Variants in PDIA4 observed in about 807,000 individuals in gnomAD.
The protein encoded by PDIA4 is protein disulfide-isomerase A4.
A neutral mutation model predicts 62.1 loss-of-function variants in PDIA4; 33 were observed. The observed-to-expected ratio is 0.53, with a 90% confidence interval of 0.40 to 0.71. PDIA4 has a LOEUF of 0.71. PDIA4 is among the 30% of genes least tolerant of loss of function. The pLI is 0.00. For missense variants in PDIA4, 804 were observed against 813.6 expected, an observed-to-expected ratio of 0.99 and a Z score of 0.14; for synonymous variants, 341 against 324.1, an observed-to-expected ratio of 1.05 and a Z score of -0.56.
intron 3 of PDIA4, among the ~76,000 whole-genome samples, chr7:149,018,547 T>C (rs1824225337): frequency 6.6e-6 from 1 of 152,144 alleles, no homozygotes; most frequent in Non-Finnish European, 1.5e-5. Context: ...TTATCCTGCC[T>C]CAGCCTCCCA....
chr7:149,010,400 G>T (rs1457443737), intron 6 of PDIA4, among the ~76,000 whole-genome samples: 2 of 152,104 alleles, frequency 1.3e-5, no homozygotes, highest in East Asian at 3.9e-4. Flanking sequence ...GGCTGAGGTG[G>T]AAAAATCACC....
rs767540739 is a variant in PDIA4 at position 149,003,985 on chromosome 7, T to C, written c.1747A>G (p.Met583Val). Residue 583 changes from methionine (M) to valine (V), a missense_variant, in exon 10 of 10, where the codon ATG (methionine) becomes GTG (valine). Physicochemically the swap from Met to Val is conservative, Grantham distance 21. Transcript: ENST00000652332. ...GGGACGTCGTTGGCAGTGGCGTCCA[T>C]CTTGGCGATGACCAGGCCCTTTTGG... ...KGQKGLVIAK[M>V]DATANDVPSD... is the part of the protein sequence containing the mutation. 1.2e-6 allele frequency: 2 copies of C among 1,613,630 alleles called. No individual in the cohort carries two copies. Among genetic ancestry groups the C allele is most frequent in the African/African-American group, 1.3e-5 (1 of 74,932 alleles).
rs374392928 is a variant in PDIA4 at position 149,015,521 on chromosome 7, T to C, written c.476-479A>G. ...AAAAAAAAAAAAAAAAGGAAAAATT[T>C]AAAAGAGGAGCAGTAGCTCCCATTG... is the stretch of plus-strand genomic sequence containing the variant. On this transcript the variant is annotated intron_variant, in intron 3 of 9. Coordinates refer to ENST00000652332, the MANE Select transcript of PDIA4 (RefSeq NM_004911.5). Among the ~76,000 whole-genome samples the C allele has an allele frequency of 5.1e-3, 760 of 148,204 alleles. 8 individuals are homozygous for C. Among genetic ancestry groups the C allele is most frequent in the African/African-American group, 0.018 (732 of 40,588 alleles).
rs61739276 is a variant in PDIA4 at position 149,003,913 on chromosome 7, G to T, written c.1819C>A (p.Pro607Thr). 3.5e-4 allele frequency: 571 copies of T among 1,613,568 alleles called. 4 individuals carry two copies. The African/African-American group carries it at 6.3e-3, about 18-fold the overall frequency. The change falls in exon 10 of 10, where the codon CCC becomes ACC. Residue 607 changes from proline (P) to threonine (T), a missense_variant. Transcript: ENST00000652332. ...ACTGGGTTCTTTTTGTCCCCACTGGGGGCGAAGTAGATGGTGGGGAAGCCC... is the reference window on the plus strand; with the variant it reads ...ACTGGGTTCTTTTTGTCCCCACTGGTGGCGAAGTAGATGGTGGGGAAGCCC... ...VEGFPTIYFA[P>T]SGDKKNPVKF... is the part of the protein sequence containing the mutation.
intron 7 of PDIA4, 92 bp from the exon 8 acceptor site, chr7:149,006,145 C>T: frequency 1.5e-6 from 2 of 1,359,520 alleles, no homozygotes; most frequent in South Asian, 1.5e-5. Flanking sequence ...GGAGTGGCGA[C>T]TTTGAAGGGG....
chr7:149,004,697 A>G (rs1823678701), intron 9 of PDIA4, among the ~76,000 whole-genome samples: 1 of 152,234 alleles, frequency 6.6e-6, no homozygotes, highest in Admixed American at 6.5e-5. Flanking sequence ...TGAAGCCACA[A>G]GGGGTGTTCA....
chr7:149,021,361 C>T (rs554203411), intron 1 of PDIA4, among the ~76,000 whole-genome samples: 28 of 151,932 alleles, frequency 1.8e-4, no homozygotes, highest in African/African-American at 5.1e-4. Context: ...TGGTGGCACG[C>T]GCCTGTAGTC....
chr7:149,005,325 A>C lies in PDIA4; in HGVS notation c.1338T>G (p.Pro446=), dbSNP rs760330554. Residue 446 remains proline (P), a synonymous_variant, in exon 9 of 10, where the codon CCT becomes CCG. Transcript: ENST00000652332. Reference sequence around the variant, plus strand: ...CGTCCGCAATGGCAAAGGTGTACTCAGGGAAGTCCTTGGCCACCTCTAGGA... The same window carrying C: ...CGTCCGCAATGGCAAAGGTGTACTCCGGGAAGTCCTTGGCCACCTCTAGGA... ...SKVLEVAKDF[P]EYTFAIADEE... is the part of the protein sequence containing the mutation. The C allele has an allele frequency of 1.7e-5, 28 of 1,614,012 alleles. No homozygotes were observed. Among genetic ancestry groups the C allele is most frequent in the Non-Finnish European group, 2.1e-5 (25 of 1,180,028 alleles).
In PDIA4 at chr7:149,004,876, T is replaced by G. The variant is rs145943310; in HGVS notation, c.1522+265A>C. Among the ~76,000 whole-genome samples, 1,479 of 152,352 alleles carry G rather than the reference T, an allele frequency of 9.7e-3. 31 individuals are homozygous for G. The highest frequency in any genetic ancestry group is 0.033 in the African/African-American group (1,391 of 41,582). ...CCGAATCTTGCTTTTGCTTTCAAAG[T>G]AAACACTGGGAGAACTGCCAAGAAG... On this transcript the variant is annotated intron_variant, in intron 9 of 9. Coordinates refer to ENST00000652332, the MANE Select transcript of PDIA4 (RefSeq NM_004911.5).
At position 149,012,019 on chromosome 7, in the gene PDIA4, C is replaced by G; in HGVS notation, c.821-15G>C. On this transcript the variant is annotated splice_polypyrimidine_tract_variant and intron_variant, in intron 5 of 9. Transcript: ENST00000652332. Reference sequence around the variant, plus strand: ...ATCAACGATTCCTGGGAGCAGGGCACACGCCTGAGCAGGGGCACTAAGAAC... The same window carrying G: ...ATCAACGATTCCTGGGAGCAGGGCAGACGCCTGAGCAGGGGCACTAAGAAC... 1 of 1,592,534 alleles carries G rather than the reference C, an allele frequency of 6.3e-7. No individual in the cohort carries two copies. The highest frequency in any genetic ancestry group is 8.6e-7 in the Non-Finnish European group (1 of 1,167,906).
intron 3 of PDIA4, among the ~76,000 whole-genome samples, chr7:149,018,517 C>T (rs1012795005): frequency 1.3e-5 from 2 of 152,044 alleles, no homozygotes; most frequent in Non-Finnish European, 2.9e-5. Context: ...CCGCAACCTC[C>T]GCTTCGTAGG....
Position 149,003,501 on chromosome 7 carries a change from G to T in PDIA4, c.*293C>A, listed in dbSNP as rs1184576427. ...AAAAAGAAAACATTTTCACACAGAA[G>T]AATTATCTGCTTTGAGAAATAAAGA... On this transcript the variant is annotated 3_prime_UTR_variant, in exon 10 of 10. Transcript: ENST00000652332. The T allele has an allele frequency of 2.7e-5, 8 of 293,432 alleles. No homozygotes were observed. The East Asian group carries it at 3.4e-4, about 13-fold the overall frequency. 18.2% of individuals were successfully genotyped at this position (293,432 alleles called of 1,614,324 possible). A position where few individuals can be genotyped will look rare whatever the true frequency, so the allele number is the denominator to read the frequency against.
At chr7:149,008,765 G>A (rs1480378602) in intron 6 of PDIA4, among the ~76,000 whole-genome samples, 1 of 151,816 alleles carries the variant, frequency 6.6e-6, no homozygotes, top group African/African-American at 2.4e-5. Flanking sequence ...CAAAAATTGT[G>A]TGGACAATTC....
chr7:149,024,321 C>G (rs924287538), intron 1 of PDIA4, among the ~76,000 whole-genome samples: 1 of 43,080 alleles, frequency 2.3e-5, no homozygotes, highest in Non-Finnish European at 5.5e-5. Context: ...TAAGGACTCT[C>G]AAGGCCCCTA....
chr7:149,024,459 T>C lies in PDIA4; in HGVS notation c.89-3312A>G, dbSNP rs114745555. ...CCCTGCAAGCAAAACAGTCCACATT[T>C]TAGTGGGGGAACACTTTTCACTGGG... is the stretch of plus-strand genomic sequence containing the variant. On this transcript the variant is annotated intron_variant, in intron 1 of 9. Transcript: ENST00000652332. Among the ~76,000 whole-genome samples, 1,432 of 152,154 alleles carry C rather than the reference T, an allele frequency of 9.4e-3. 20 individuals are homozygous for C. Among genetic ancestry groups the C allele is most frequent in the African/African-American group, 0.032 (1,344 of 41,508 alleles).
At position 149,005,367 on chromosome 7, in the gene PDIA4, C is replaced by T. The variant is rs763866775; in HGVS notation, c.1296G>A (p.Gln432=). 2 of 1,612,966 alleles carry T rather than the reference C, an allele frequency of 1.2e-6. No individual in the cohort carries two copies. The highest frequency in any genetic ancestry group is 2.2e-5 in the South Asian group (2 of 91,074). ...DFSFDYRAAT[Q]FWRSKVLEVA... is the part of the protein sequence containing the mutation. ...CCTCTAGGACTTTGCTCCGCCAAAACTGAGTTGCTGAAAGGGACCAAGGGC... is the reference window on the plus strand; with the variant it reads ...CCTCTAGGACTTTGCTCCGCCAAAATTGAGTTGCTGAAAGGGACCAAGGGC... Residue 432 remains glutamine, a synonymous_variant, in exon 9 of 10, where the codon CAG becomes CAA. Coordinates refer to ENST00000652332, the MANE Select transcript of PDIA4 (RefSeq NM_004911.5).
intron 1 of PDIA4, among the ~76,000 whole-genome samples, chr7:149,023,002 AGGG>A (rs1344450451): frequency 1.3e-5 from 2 of 152,100 alleles, no homozygotes; most frequent in Admixed American, 6.5e-5. Flanking sequence ...TTGTCGGAGG[AGGG>A]AGAAAGAGCT....
intron 2 of PDIA4, among the ~76,000 whole-genome samples, chr7:149,020,348 G>T (rs1824298958): frequency 6.6e-6 from 1 of 152,188 alleles, no homozygotes; most frequent in Non-Finnish European, 1.5e-5. Flanking sequence ...GGTCTCAGAA[G>T]TGAAACAGAA....
At chr7:149,026,816 A>G (rs1226878971) in intron 1 of PDIA4, among the ~76,000 whole-genome samples, 4 of 144,410 alleles carry the variant, frequency 2.8e-5, no homozygotes, top group African/African-American at 1.0e-4. Flanking sequence ...AAAAAAAAAA[A>G]ACGGAGCTAG....
Sources: allele counts gnomAD v4.1 joint callset (sites outside exome capture counted in the v4.1 genomes callset), GRCh38; gene constraint gnomAD v4.1.1; transcripts MANE v1.5; gene names NCBI Gene and HGNC (gene_info 2026-07-23, HGNC 2026-07-21).